SPOCK3: variants seen among roughly 807,000 people sequenced by gnomAD.
SPOCK3 encodes SPARC (osteonectin), cwcv and kazal like domains proteoglycan 3, also known as testican-3.
A neutral mutation model predicts 56.6 loss-of-function variants in SPOCK3; 30 were observed. The observed-to-expected ratio is 0.53, with a 90% CI of 0.40 to 0.72. SPOCK3 has a LOEUF of 0.72. Ranked by LOEUF, SPOCK3 falls within the 30% of genes least tolerant of loss-of-function variation. The pLI, the probability that SPOCK3 is intolerant of heterozygous loss-of-function variation, is 0.00. For synonymous variants in SPOCK3, 196 were observed against 183.3 expected (o/e 1.07, Z -0.56); for missense variants, 527 against 530.0 (o/e 0.99, Z 0.06).
chr4:166,766,248 G>A (rs886939830), intron 7 of SPOCK3, among the ~76,000 whole-genome samples: 1 of 152,162 alleles, frequency 6.6e-6, no homozygotes, highest in Non-Finnish European at 1.5e-5. Context: ...GTGAGAGAGA[G>A]CATCCCTGTC....
chr4:167,117,118 T>C (rs918070326), intron 2 of SPOCK3, among the ~76,000 whole-genome samples: 1 of 151,638 alleles, frequency 6.6e-6, no homozygotes, highest in Non-Finnish European at 1.5e-5. Flanking sequence ...AGGTTTGAGA[T>C]GATGGATCTT....
chr4:166,818,881 A>T (rs1254108043), intron 6 of SPOCK3, among the ~76,000 whole-genome samples: 2 of 152,078 alleles, frequency 1.3e-5, no homozygotes, highest in Admixed American at 1.3e-4. Context: ...GAAAGTGACT[A>T]ATAAGTGAAA....
At chr4:167,022,141 C>A (rs1174855544) in intron 3 of SPOCK3, among the ~76,000 whole-genome samples, 1 of 151,852 alleles carries the variant, frequency 6.6e-6, no homozygotes, top group Non-Finnish European at 1.5e-5. Context: ...ACTCATAAAA[C>A]TGTGTGTCTA....
At chr4:167,114,268 A>T (rs1428198387) in intron 2 of SPOCK3, among the ~76,000 whole-genome samples, 1 of 152,192 alleles carries the variant, frequency 6.6e-6, no homozygotes, top group Non-Finnish European at 1.5e-5. Flanking sequence ...AGAGGGACTC[A>T]TGGACGAAAA....
At chr4:166,858,153 A>G (rs1035631938) in intron 6 of SPOCK3, among the ~76,000 whole-genome samples, 2 of 152,210 alleles carry the variant, frequency 1.3e-5, no homozygotes, top group African/African-American at 4.8e-5. Flanking sequence ...TTCTTCCATT[A>G]TACTCACTGA....
At chr4:166,850,160 A>G (rs1181131356) in intron 6 of SPOCK3, among the ~76,000 whole-genome samples, 1 of 152,142 alleles carries the variant, frequency 6.6e-6, no homozygotes, top group African/African-American at 2.4e-5. Context: ...GAACTGCCAT[A>G]TTGTTTTCCA....
chr4:166,879,617 C>T (rs1733480391), intron 6 of SPOCK3, among the ~76,000 whole-genome samples: 1 of 152,332 alleles, frequency 6.6e-6, no homozygotes, highest in South Asian at 2.1e-4. Flanking sequence ...ATTTTCACCA[C>T]TTTCCCTCAT....
intron 6 of SPOCK3, among the ~76,000 whole-genome samples, chr4:166,875,466 G>C (rs1732977227): frequency 6.6e-6 from 1 of 151,992 alleles, no homozygotes; most frequent in African/African-American, 2.4e-5. Flanking sequence ...ACATACTGAG[G>C]AAATATGCTA....
intron 6 of SPOCK3, among the ~76,000 whole-genome samples, chr4:166,859,687 C>A (rs900588581): frequency 1.3e-5 from 2 of 151,878 alleles, no homozygotes; most frequent in African/African-American, 4.8e-5. Flanking sequence ...ACTCAACGGG[C>A]CTTGGGAAAA....
At chr4:166,853,080 A>C (rs1190707113) in intron 6 of SPOCK3, among the ~76,000 whole-genome samples, 1 of 152,174 alleles carries the variant, frequency 6.6e-6, no homozygotes, top group East Asian at 1.9e-4. Flanking sequence ...TAAAGACCTA[A>C]TATCAACTCC....
At chr4:167,077,235 G>C (rs1757272660) in intron 2 of SPOCK3, among the ~76,000 whole-genome samples, 1 of 151,564 alleles carries the variant, frequency 6.6e-6, no homozygotes, top group East Asian at 2.0e-4. Context: ...ATTAAATATA[G>C]AGAGATAAGT....
chr4:167,155,171 A>C (rs1764714289), intron 2 of SPOCK3, among the ~76,000 whole-genome samples: 1 of 151,964 alleles, frequency 6.6e-6, no homozygotes, highest in African/African-American at 2.4e-5. Context: ...ACTAGAGTGC[A>C]GTGGTGCAAT....
intron 2 of SPOCK3, among the ~76,000 whole-genome samples, chr4:167,111,150 G>A (rs1409891120): frequency 6.6e-6 from 1 of 151,620 alleles, no homozygotes; most frequent in Non-Finnish European, 1.5e-5. Flanking sequence ...TGTATATATA[G>A]CCTATATGTA....
At chr4:167,167,531 T>C (rs1730087214) in intron 2 of SPOCK3, among the ~76,000 whole-genome samples, 3 of 152,184 alleles carry the variant, frequency 2.0e-5, no homozygotes, top group Admixed American at 6.6e-5. Context: ...ATGGTATTTC[T>C]CACTATTATG....
At chr4:166,779,599 G>T (rs1264096265) in intron 7 of SPOCK3, among the ~76,000 whole-genome samples, 1 of 151,882 alleles carries the variant, frequency 6.6e-6, no homozygotes, top group Non-Finnish European at 1.5e-5. Context: ...AAAAGATTGA[G>T]AAAAAACTAA....
intron 2 of SPOCK3, among the ~76,000 whole-genome samples, chr4:167,193,992 T>C (rs1433777234): frequency 6.6e-6 from 1 of 152,220 alleles, no homozygotes; most frequent in African/African-American, 2.4e-5. Context: ...AATTACATAA[T>C]GTGTATATTA....
intron 6 of SPOCK3, among the ~76,000 whole-genome samples, chr4:166,833,949 A>G (rs1295213223): frequency 6.6e-6 from 1 of 152,168 alleles, no homozygotes; most frequent in Non-Finnish European, 1.5e-5. Flanking sequence ...TTCCTCATGT[A>G]GAGAGATTTT....
intron 2 of SPOCK3, among the ~76,000 whole-genome samples, chr4:167,088,492 A>C (rs1758407000): frequency 1.4e-5 from 2 of 138,328 alleles, no homozygotes; most frequent in African/African-American, 5.7e-5. Flanking sequence ...TTGAGATGGA[A>C]TCTCACTTGG....
chr4:167,196,780 C>A (rs1732996352), intron 2 of SPOCK3, among the ~76,000 whole-genome samples: 2 of 152,038 alleles, frequency 1.3e-5, no homozygotes, highest in Non-Finnish European at 2.9e-5. Context: ...CTCCTAGGAG[C>A]CACTCACAGT....
Sources: allele counts gnomAD v4.1 joint callset (sites outside exome capture counted in the v4.1 genomes callset), GRCh38; gene constraint gnomAD v4.1.1; transcripts MANE v1.5; gene names NCBI Gene and HGNC (gene_info 2026-07-23, HGNC 2026-07-21).